Variants in APOOL observed in about 807,000 individuals in gnomAD.
The protein encoded by APOOL is apolipoprotein O like, also known as MICOS complex subunit MIC27.
APOOL carries 12 observed loss-of-function variants against 23.1 expected under a neutral mutation model. The ratio of observed to expected loss-of-function variants is 0.52; its 90% CI spans 0.33 to 0.84. The LOEUF (loss-of-function observed/expected upper bound fraction) is 0.84, where lower values mean the gene tolerates loss of function less well. Ranked by LOEUF, APOOL falls within the 40% of genes least tolerant of loss-of-function variation. APOOL has a pLI of 0.02. For missense variants in APOOL, 212 were observed against 199.6 expected (o/e 1.06, Z -0.37); for synonymous variants, 77 against 69.9 (o/e 1.10, Z -0.51).
In APOOL at chrX:85,067,062, G is replaced by A. The variant is rs1923484444; in HGVS notation, c.395-65G>A. The A allele has an allele frequency of 1.8e-5, 13 of 712,601 alleles. No homozygotes were observed. In the South Asian group the frequency reaches 3.2e-4, roughly 18 times the overall value. The allele number at this position is 712,601 out of a possible 1,213,427, so 58.7% of individuals were successfully genotyped here. A position where few individuals can be genotyped will look rare whatever the true frequency, so the allele number is the denominator to read the frequency against. ...CCAGGAGAGCAAAGAAAGCATTACGGTATAAGAACATCAAGTCTCTGGTGG... is the reference window on the plus strand; with the variant it reads ...CCAGGAGAGCAAAGAAAGCATTACGATATAAGAACATCAAGTCTCTGGTGG... On this transcript the variant is annotated intron_variant, in intron 5 of 8. Transcript: ENST00000373173.
chrX:85,054,207 C>T, intron 3 of APOOL, 137 bp from the exon 4 acceptor site: 1 of 514,631 alleles, frequency 1.9e-6, no homozygotes, highest in South Asian at 3.2e-5. Flanking sequence ...GTAGTGAATA[C>T]ATAGGAAAGC....
chrX:85,078,597 T>G (rs1923954106), intron 8 of APOOL, among the ~76,000 whole-genome samples: 1 of 111,358 alleles, frequency 9.0e-6, no homozygotes, highest in Non-Finnish European at 1.9e-5. Context: ...CCATATGAAC[T>G]TTAAAGTAGT....
intron 5 of APOOL, among the ~76,000 whole-genome samples, chrX:85,057,008 C>G (rs1269874708): frequency 9.0e-6 from 1 of 111,623 alleles, no homozygotes; most frequent in Non-Finnish European, 1.9e-5. Flanking sequence ...TGGCTTCTTT[C>G]ACTTAGATTA....
intron 1 of APOOL, among the ~76,000 whole-genome samples, chrX:85,010,262 A>G (rs937730406): frequency 2.0e-4 from 22 of 112,001 alleles, no homozygotes; most frequent in Non-Finnish European, 3.6e-4. Flanking sequence ...TTTAATTTGT[A>G]ATTCTCCAAT....
chrX:85,035,116 C>T (rs1922172712), intron 1 of APOOL, among the ~76,000 whole-genome samples: 1 of 111,452 alleles, frequency 9.0e-6, no homozygotes, highest in South Asian at 3.8e-4. Context: ...GCCTCACCAG[C>T]ATCTGCTGTT....
chrX:85,004,025 A>T, intron 1 of APOOL, 98 bp downstream of exon 1: 4 of 1,063,131 alleles, frequency 3.8e-6, no homozygotes, highest in Non-Finnish European at 5.3e-6. Flanking sequence ...CCCTGAAACA[A>T]GGGGCAGGGT....
intron 1 of APOOL, among the ~76,000 whole-genome samples, chrX:85,034,177 T>TA (rs59806020): frequency 2.3e-4 from 25 of 106,630 alleles, no homozygotes; most frequent in East Asian, 5.9e-4. Context: ...ATTTTCTAAA[T>TA]AAAAAAAAAA....
chrX:85,030,515 A>G (rs1030411411), intron 1 of APOOL, among the ~76,000 whole-genome samples: 5 of 111,975 alleles, frequency 4.5e-5, no homozygotes, highest in African/African-American at 1.6e-4. Context: ...TTAAAAATAA[A>G]TAAGTAGATA....
At chrX:85,059,399 G>A (rs1923102196) in intron 5 of APOOL, among the ~76,000 whole-genome samples, 1 of 110,021 alleles carries the variant, frequency 9.1e-6, no homozygotes, top group African/African-American at 3.3e-5. Context: ...ACCCAGTAAT[G>A]GGATGGCTGG....
At chrX:85,062,316 G>C (rs372065666) in intron 5 of APOOL, among the ~76,000 whole-genome samples, 1 of 111,114 alleles carries the variant, frequency 9.0e-6, no homozygotes, top group Admixed American at 9.6e-5. Flanking sequence ...CATTCTGTAC[G>C]TTGTCTGTTC....
At chrX:85,073,380 A>G (rs1413900722) in intron 6 of APOOL, among the ~76,000 whole-genome samples, 1 of 111,589 alleles carries the variant, frequency 9.0e-6, no homozygotes, top group East Asian at 2.8e-4. Flanking sequence ...AATAGAGATG[A>G]ATGAAAATAA....
chrX:85,046,893 A>G (rs1207483784), intron 2 of APOOL, among the ~76,000 whole-genome samples: 1 of 111,366 alleles, frequency 9.0e-6, no homozygotes, highest in Non-Finnish European at 1.9e-5. Context: ...ATTCATTAAG[A>G]TCTCAGTTTT....
Position 85,092,224 on chromosome X carries a change from T to C in APOOL, c.*4546T>C. Reference sequence around the variant, plus strand: ...GCCGTTAGAATATTGGTTTGGATAATGGAAAGTTGACTAGAGCTACAAAAT... The same window carrying C: ...GCCGTTAGAATATTGGTTTGGATAACGGAAAGTTGACTAGAGCTACAAAAT... On this transcript the variant is annotated 3_prime_UTR_variant, in exon 9 of 9. Coordinates refer to ENST00000373173, the MANE Select transcript of APOOL (RefSeq NM_198450.6). 2.0e-6 allele frequency: 1 copy of C among 492,080 alleles called. No individual in the cohort carries two copies. Among genetic ancestry groups the C allele is most frequent in the East Asian group, 3.7e-5 (1 of 26,901 alleles). 40.6% of individuals were successfully genotyped at this position (492,080 alleles called of 1,213,427 possible).
chrX:85,068,361 C>G (rs1251671147), intron 6 of APOOL, among the ~76,000 whole-genome samples: 1 of 108,015 alleles, frequency 9.3e-6, no homozygotes, highest in Non-Finnish European at 1.9e-5. Context: ...GTTCATTACT[C>G]CTCCCAGTGG....
intron 4 of APOOL, 52 bp from the exon 5 acceptor site, chrX:85,055,775 A>G (rs1922939498): frequency 8.0e-6 from 7 of 873,786 alleles, no homozygotes; most frequent in Non-Finnish European, 1.1e-5. Context: ...AACTGTATAG[A>G]ATATCCAGTA....
Position 85,093,314 on chromosome X carries a change from T to C in APOOL, c.*5636T>C. On this transcript the variant is annotated 3_prime_UTR_variant, in exon 9 of 9. Coordinates refer to ENST00000373173, the MANE Select transcript of APOOL (RefSeq NM_198450.6). ...TTAAAATAAATAATATCTAAAACTC[T>C]GTATCTGTTTTTTGTATATTATTAA... 1 of 894,679 alleles carries C rather than the reference T, an allele frequency of 1.1e-6. No individual in the cohort carries two copies. Among genetic ancestry groups the C allele is most frequent in the Non-Finnish European group, 1.6e-6 (1 of 643,870 alleles). The allele number at this position is 894,679 out of a possible 1,213,427, so 73.7% of individuals were successfully genotyped here. A position where few individuals can be genotyped will look rare whatever the true frequency, so the allele number is the denominator to read the frequency against.
Position 85,021,369 on chromosome X carries a change from C to G in APOOL, c.15+17442C>G, listed in dbSNP as rs1921659091. On this transcript the variant is annotated intron_variant, in intron 1 of 8. Transcript: ENST00000373173. ...GGCCTGTCTCCACAGCGCTAGGATC[C>G]TGGCCATTTCCAGTGGCTTCAGGTA... Among the ~76,000 whole-genome samples, 5 of 111,850 alleles carry G rather than the reference C, an allele frequency of 4.5e-5. No homozygotes were observed. The Admixed American group carries it at 4.7e-4, about 11-fold the overall frequency.
intron 1 of APOOL, among the ~76,000 whole-genome samples, chrX:85,046,075 G>A (rs1276999102): frequency 1.8e-5 from 2 of 111,270 alleles, no homozygotes; most frequent in African/African-American, 6.5e-5. Flanking sequence ...CCAGAGTCTG[G>A]CACATAGTAG....
intron 1 of APOOL, among the ~76,000 whole-genome samples, chrX:85,023,609 C>G (rs1267471161): frequency 9.0e-6 from 1 of 111,726 alleles, no homozygotes; most frequent in Non-Finnish European, 1.9e-5. Flanking sequence ...ACAATATTGG[C>G]AAAAAGAAGA....
Sources: gnomAD v4.1 joint callset for allele counts (sites outside exome capture counted in the v4.1 genomes callset) on GRCh38, gnomAD v4.1.1 for gene constraint, MANE v1.5 for transcripts, NCBI Gene and HGNC (gene_info 2026-07-23, HGNC 2026-07-21) for gene names.